GLDC: variants seen among roughly 807,000 people sequenced by gnomAD.
GLDC encodes glycine dehydrogenase (decarboxylating), mitochondrial.
Under a neutral mutation model 121.3 loss-of-function variants are expected in GLDC, and 104 were observed. The ratio of observed to expected loss-of-function variants is 0.86; its 90% CI spans 0.73 to 1.01. The LOEUF (loss-of-function observed/expected upper bound fraction) is 1.01, where lower values mean the gene tolerates loss of function less well. Among genes scored for constraint, GLDC ranks in the 50% least tolerant of loss-of-function variants. The pLI, the probability that GLDC is intolerant of heterozygous loss-of-function variation, is 0.00. For missense variants in GLDC, 1,429 were observed against 1,306.6 expected, an observed-to-expected ratio of 1.09 and a Z score of -1.44; for synonymous variants, 546 against 480.6, an observed-to-expected ratio of 1.14 and a Z score of -1.78.
At chr9:6,535,428 C>T (rs1212380428) in intron 23 of GLDC, among the ~76,000 whole-genome samples, 2 of 151,498 alleles carry the variant, frequency 1.3e-5, no homozygotes, top group Non-Finnish European at 2.9e-5. Context: ...GGTCCCTGCC[C>T]TCTCCTACAG....
At chr9:6,595,488 G>A (rs534297722) in intron 8 of GLDC, among the ~76,000 whole-genome samples, 1 of 152,308 alleles carries the variant, frequency 6.6e-6, no homozygotes, top group East Asian at 1.9e-4. Context: ...GAAAAAGTGA[G>A]ATCTGAGAAT....
chr9:6,556,688 G>T (rs1817638011), intron 17 of GLDC, among the ~76,000 whole-genome samples: 1 of 151,990 alleles, frequency 6.6e-6, no homozygotes, highest in African/African-American at 2.4e-5. Context: ...AGCTACTTAG[G>T]AGGCTGAGGC....
At chr9:6,589,061 G>A (rs1459450724) in intron 12 of GLDC, 134 bp downstream of exon 12, 2 of 741,960 alleles carry the variant, frequency 2.7e-6, no homozygotes, top group African/African-American at 1.7e-5. Flanking sequence ...TCGTTATGAG[G>A]ATGAAATACT....
At chr9:6,543,649 T>C in intron 21 of GLDC, among the ~76,000 whole-genome samples, 1 of 152,214 alleles carries the variant, frequency 6.6e-6, no homozygotes, top group South Asian at 2.1e-4. Context: ...TCTCCATCTC[T>C]ATGTGAGCCC....
chr9:6,555,332 GC>G (rs1409805934), intron 18 of GLDC, among the ~76,000 whole-genome samples: 11 of 152,296 alleles, frequency 7.2e-5, no homozygotes, highest in Admixed American at 2.0e-4. Context: ...CATCCCACTA[GC>G]CTTCCCACCA....
At chr9:6,581,423 C>T (rs1344891292) in intron 15 of GLDC, among the ~76,000 whole-genome samples, 2 of 152,208 alleles carry the variant, frequency 1.3e-5, no homozygotes, top group Non-Finnish European at 2.9e-5. Context: ...ACATAAACTT[C>T]TTGTACTGAA....
In GLDC at chr9:6,570,927, C is replaced by T. The variant is rs75717851; in HGVS notation, c.1851-5498G>A. The stretch of plus-strand genomic sequence containing the variant: ...TATTTTATTACATTTAAAATGATAC[C>T]TTTTCATGAAAAATATTTATTTTAT... On this transcript the variant is annotated intron_variant, in intron 15 of 24. Transcript: ENST00000321612. 3.1e-3 allele frequency among the ~76,000 whole-genome samples: 460 copies of T among 150,660 alleles called. 7 individuals are homozygous for T. Among genetic ancestry groups the T allele is most frequent in the African/African-American group, 0.011 (440 of 41,032 alleles).
Position 6,589,258 on chromosome 9 carries a change from C to G in GLDC, c.1517G>C (p.Arg506Thr), listed in dbSNP as rs754119942. The G allele has an allele frequency of 7.5e-6, 12 of 1,610,300 alleles. No individual in the cohort carries two copies. In the South Asian group the frequency reaches 7.7e-5, roughly 10 times the overall value. ...LVAESMGEEC[R>T]GIPGSVFKRT... ...CTTGAACACAGACCCTGGAATACCT[C>G]TGCACTCCTCTCCCATGCTTTCAGC... Residue 506 changes from arginine to threonine, a missense_variant, in exon 12 of 25, where the codon AGA becomes ACA. By Grantham distance (71) the Arg-to-Thr change is moderately conservative. Coordinates refer to ENST00000321612, the MANE Select transcript of GLDC (RefSeq NM_000170.3).
At chr9:6,560,654 A>G (rs76741478) in intron 16 of GLDC, among the ~76,000 whole-genome samples, 2,707 of 152,306 alleles carry the variant, frequency 0.018, 68 homozygotes, top group African/African-American at 0.062. Context: ...TAAATATAAA[A>G]TATTCATAGA....
chr9:6,554,503 C>T (rs1407698304), intron 19 of GLDC, among the ~76,000 whole-genome samples, 166 bp downstream of exon 19: 1 of 152,138 alleles, frequency 6.6e-6, no homozygotes, highest in East Asian at 1.9e-4. Context: ...TTGGAAATCC[C>T]CTAAAAGCAC....
chr9:6,641,213 C>G (rs555065403), intron 2 of GLDC, among the ~76,000 whole-genome samples: 1 of 152,358 alleles, frequency 6.6e-6, no homozygotes, highest in South Asian at 2.1e-4. Context: ...CCCACTACCT[C>G]CAGCAGCCTC....
chr9:6,533,118 G>T lies in GLDC; in HGVS notation c.2962C>A (p.Arg988=). Residue 988 remains arginine, a synonymous_variant, in exon 25 of 25, where the codon CGG becomes AGG. Transcript: ENST00000321612. ...PENKFWPTIA[R]IDDIYGDQHL... ...TGATCTCCATATATGTCATCAATCC[G>T]GGCAATCGTTGGCCAGAATTTGTTC... The T allele has an allele frequency of 1.9e-6, 3 of 1,612,246 alleles. No individual in the cohort carries two copies. The highest frequency in any genetic ancestry group is 2.5e-6 in the Non-Finnish European group (3 of 1,178,358).
At chr9:6,619,145 GCAAAAAAAAAAAAAAA>G (rs1459402277) in intron 3 of GLDC, among the ~76,000 whole-genome samples, 12 of 30,196 alleles carry the variant, frequency 4.0e-4, no homozygotes, top group African/African-American at 1.7e-3. Context: ...TCTGTCTCAG[GCAAAAAAAAAAAAAAA>G]AAAAAAAAAA....
chr9:6,644,540 C>A, intron 2 of GLDC, 74 bp downstream of exon 2: 1 of 1,029,856 alleles, frequency 9.7e-7, no homozygotes, highest in Non-Finnish European at 1.5e-6. Flanking sequence ...CCCCAGAGCT[C>A]GATTTTCAGG....
chr9:6,596,049 C>A (rs1818488752), intron 8 of GLDC, among the ~76,000 whole-genome samples: 1 of 152,202 alleles, frequency 6.6e-6, no homozygotes, highest in South Asian at 2.1e-4. Flanking sequence ...TGTAAACACT[C>A]TTATGGACTC....
intron 2 of GLDC, among the ~76,000 whole-genome samples, chr9:6,636,950 G>T (rs1323611494): frequency 6.6e-6 from 1 of 151,780 alleles, no homozygotes; most frequent in Non-Finnish European, 1.5e-5. Context: ...TGGCTGTGGT[G>T]GTGGGTGCCT....
At chr9:6,542,341 C>G (rs1817284430) in intron 21 of GLDC, 2 of 152,366 alleles carry the variant, frequency 1.3e-5, no homozygotes, top group African/African-American at 4.8e-5. Context: ...TGGGCCCAAG[C>G]AATCCTCTCA....
At chr9:6,622,433 G>A (rs1446269644) in intron 2 of GLDC, among the ~76,000 whole-genome samples, 3 of 149,810 alleles carry the variant, frequency 2.0e-5, no homozygotes, top group Non-Finnish European at 4.4e-5. Flanking sequence ...TGGTGGAGAC[G>A]GGGTTTCCCT....
At chr9:6,586,797 G>T (rs937101806) in intron 15 of GLDC, among the ~76,000 whole-genome samples, 2 of 152,234 alleles carry the variant, frequency 1.3e-5, no homozygotes, top group African/African-American at 4.8e-5. Context: ...TCGGCCATTA[G>T]AGATTTGCAG....
Sources: gnomAD v4.1 joint callset for allele counts (sites outside exome capture counted in the v4.1 genomes callset) on GRCh38, gnomAD v4.1.1 for gene constraint, MANE v1.5 for transcripts, NCBI Gene and HGNC (gene_info 2026-07-23, HGNC 2026-07-21) for gene names.